GRIN2A: variants seen among roughly 807,000 people sequenced by gnomAD.
GRIN2A encodes the protein glutamate receptor ionotropic, NMDA 2A.
A neutral mutation model predicts 113.4 loss-of-function variants in GRIN2A; 22 were observed. That is an observed-to-expected ratio of 0.19 (90% CI 0.14 to 0.28). GRIN2A has a LOEUF of 0.28. GRIN2A is among the 10% of genes least tolerant of loss of function. The probability of loss-of-function intolerance (pLI) is 1.00; values close to 1 mark genes in which losing one functional copy is unlikely to be tolerated. For synonymous variants in GRIN2A, 827 were observed against 738.4 expected, an observed-to-expected ratio of 1.12 and a Z score of -1.94; for missense variants, 1,502 against 1,887.0, an observed-to-expected ratio of 0.80 and a Z score of 3.78.
intron 11 of GRIN2A, among the ~76,000 whole-genome samples, chr16:9,791,806 A>G (rs1902620596): frequency 6.6e-6 from 1 of 152,036 alleles, no homozygotes; most frequent in African/African-American, 2.4e-5. Context: ...GGCCAACAAA[A>G]AAAGGACTCA....
chr16:10,145,024 G>A (rs922274311), intron 2 of GRIN2A, among the ~76,000 whole-genome samples: 7 of 149,316 alleles, frequency 4.7e-5, no homozygotes, highest in Admixed American at 4.0e-4. Context: ...AAAAAAGTCC[G>A]CTATTTGCAG....
rs192921809 is a variant in GRIN2A, at chr16:10,123,422, T to G, written c.414+56576A>C. Among the ~76,000 whole-genome samples, 250 of 152,294 alleles carry G rather than the reference T, an allele frequency of 1.6e-3. 2 individuals carry two copies. The highest frequency in any genetic ancestry group is 7.1e-4 in the Non-Finnish European group (48 of 68,024). On this transcript the variant is annotated intron_variant, in intron 2 of 12. Transcript: ENST00000330684. Reference sequence around the variant, plus strand: ...TACTAAATTCATTTGTCATCACTAATTCCCTCAAGCAAAGGAACAGCTCCT... The same window carrying G: ...TACTAAATTCATTTGTCATCACTAAGTCCCTCAAGCAAAGGAACAGCTCCT...
chr16:9,829,713 A>T (rs2042453336), intron 8 of GRIN2A, 61 bp from the exon 9 acceptor site: 3 of 1,171,188 alleles, frequency 2.6e-6, no homozygotes, highest in African/African-American at 1.5e-5. Flanking sequence ...TTTGTGTATG[A>T]CAACCACGCA....
intron 3 of GRIN2A, among the ~76,000 whole-genome samples, chr16:9,928,077 A>G (rs547926453): frequency 6.6e-6 from 1 of 152,360 alleles, no homozygotes; most frequent in South Asian, 2.1e-4. Context: ...GCCCACGCAG[A>G]ACACAGCTAG....
intron 4 of GRIN2A, among the ~76,000 whole-genome samples, chr16:9,860,681 G>A (rs1427200428): frequency 2.0e-5 from 3 of 152,026 alleles, no homozygotes; most frequent in African/African-American, 4.8e-5. Flanking sequence ...TGACAAGCTG[G>A]GAGATGGCTG....
chr16:9,946,137 A>G (rs2045012688), intron 2 of GRIN2A, among the ~76,000 whole-genome samples: 1 of 152,210 alleles, frequency 6.6e-6, no homozygotes, highest in Non-Finnish European at 1.5e-5. Context: ...AGGGCTGGCC[A>G]AAAGGAGGCC....
chr16:10,045,286 G>C (rs1418416969), intron 2 of GRIN2A, among the ~76,000 whole-genome samples: 1 of 152,138 alleles, frequency 6.6e-6, no homozygotes, highest in Non-Finnish European at 1.5e-5. Context: ...CCTCCTTCAG[G>C]AAAGTATTAT....
intron 2 of GRIN2A, among the ~76,000 whole-genome samples, chr16:10,078,910 A>T (rs1183777313): frequency 6.6e-6 from 1 of 152,208 alleles, no homozygotes; most frequent in East Asian, 1.9e-4. Context: ...AATTGCAAAC[A>T]CTGTTGTGCA....
At chr16:9,840,241 C>T (rs576701245) in intron 7 of GRIN2A, among the ~76,000 whole-genome samples, 245 of 152,186 alleles carry the variant, frequency 1.6e-3, no homozygotes, top group South Asian at 3.5e-3. Context: ...GAAGCAGACA[C>T]GTCTTACATG....
intron 3 of GRIN2A, among the ~76,000 whole-genome samples, chr16:9,893,556 T>A (rs2043741769): frequency 6.6e-6 from 1 of 152,194 alleles, no homozygotes; most frequent in Non-Finnish European, 1.5e-5. Flanking sequence ...AACCTCCGCC[T>A]CCCAGGTTCA....
rs1486988400 is a variant in GRIN2A at position 10,182,313 on chromosome 16, C to T, written c.-455G>A. 1 of 152,298 alleles carries T rather than the reference C, an allele frequency of 6.6e-6. No homozygotes were observed. Among genetic ancestry groups the T allele is most frequent in the East Asian group, 1.9e-4 (1 of 5,176 alleles). 9.4% of individuals were successfully genotyped at this position (152,298 alleles called of 1,614,324 possible). A position where few individuals can be genotyped will look rare whatever the true frequency, so the allele number is the denominator to read the frequency against. The stretch of plus-strand genomic sequence containing the variant: ...GAGAATGGGAGCCCCAGGTTGGCCA[C>T]CCACGAGAAGCTAACTGGGCACCTC... On this transcript the variant is annotated 5_prime_UTR_variant, in exon 1 of 13. It adds an upstream start codon to the 5' untranslated region. Coordinates refer to ENST00000330684, the MANE Select transcript of GRIN2A (RefSeq NM_001134407.3).
chr16:9,988,143 G>A (rs936419154), intron 2 of GRIN2A, among the ~76,000 whole-genome samples: 3 of 152,074 alleles, frequency 2.0e-5, no homozygotes, highest in African/African-American at 7.2e-5. Flanking sequence ...CAGATCTCAA[G>A]AGAAGTAGGA....
chr16:10,021,006 C>G (rs562717740), intron 2 of GRIN2A, among the ~76,000 whole-genome samples: 1 of 152,266 alleles, frequency 6.6e-6, no homozygotes, highest in African/African-American at 2.4e-5. Context: ...TGTGCTAAAC[C>G]GCTTACCAAG....
chr16:9,869,992 T>C (rs2043228720), intron 4 of GRIN2A, among the ~76,000 whole-genome samples: 1 of 152,350 alleles, frequency 6.6e-6, no homozygotes, highest in South Asian at 2.1e-4. Context: ...GCCTAGGGCT[T>C]GTATGCCAAA....
chr16:10,102,089 G>C (rs981984693), intron 2 of GRIN2A, among the ~76,000 whole-genome samples: 1 of 152,152 alleles, frequency 6.6e-6, no homozygotes, highest in South Asian at 2.1e-4. Flanking sequence ...CTAGACATTG[G>C]TGCTATTTTC....
Position 9,758,927 on chromosome 16 carries a change from T to A in GRIN2A, c.*4222A>T. ...ATTGCCTTTACATAGAACCCTTCACTCATTAAATATCAAGCAACACATTTA... is the reference window on the plus strand; with the variant it reads ...ATTGCCTTTACATAGAACCCTTCACACATTAAATATCAAGCAACACATTTA... On this transcript the variant is annotated 3_prime_UTR_variant, in exon 13 of 13. Transcript: ENST00000330684. 1 of 221,158 alleles carries A rather than the reference T, an allele frequency of 4.5e-6. No homozygotes were observed. The highest frequency in any genetic ancestry group is 5.8e-5 in the Admixed American group (1 of 17,370). The allele number at this position is 221,158 out of a possible 1,614,324, so 13.7% of individuals were successfully genotyped here. A position where few individuals can be genotyped will look rare whatever the true frequency, so the allele number is the denominator to read the frequency against.
intron 5 of GRIN2A, among the ~76,000 whole-genome samples, chr16:9,846,205 T>A (rs776014457): frequency 4.9e-4 from 74 of 152,274 alleles, no homozygotes; most frequent in Middle Eastern, 3.4e-3. Flanking sequence ...GGGCCCCACC[T>A]CTTCCTCATC....
intron 11 of GRIN2A, among the ~76,000 whole-genome samples, chr16:9,770,541 T>C (rs1901206359): frequency 6.6e-6 from 1 of 152,222 alleles, no homozygotes; most frequent in African/African-American, 2.4e-5. Flanking sequence ...TGTTGAAAAG[T>C]TGGCTAATCA....
chr16:10,148,995 C>A (rs561499598), intron 2 of GRIN2A, among the ~76,000 whole-genome samples: 2 of 152,290 alleles, frequency 1.3e-5, no homozygotes, highest in East Asian at 3.9e-4. Flanking sequence ...ATGTTCTCAC[C>A]CATCTGTGGG....
Sources: allele counts gnomAD v4.1 joint callset (sites outside exome capture counted in the v4.1 genomes callset), GRCh38; gene constraint gnomAD v4.1.1; transcripts MANE v1.5; gene names NCBI Gene and HGNC (gene_info 2026-07-23, HGNC 2026-07-21).